The following AGBL3 variants were observed in gnomAD, a reference collection of about 807,000 sequenced individuals.
AGBL3 encodes cytosolic carboxypeptidase 3.
AGBL3 carries 68 observed loss-of-function variants against 94.5 expected under a neutral mutation model. The observed-to-expected ratio is 0.72, with a 90% CI of 0.59 to 0.88. The LOEUF is 0.88. AGBL3 is among the 40% of genes least tolerant of loss of function. The probability of loss-of-function intolerance (pLI) is 0.00; values close to 1 mark genes in which losing one functional copy is unlikely to be tolerated. For missense variants in AGBL3, 934 were observed against 1,103.8 expected (o/e 0.85, Z 2.18); for synonymous variants, 354 against 370.7 (o/e 0.95, Z 0.52).
At chr7:135,116,579 T>C (rs1048422458) in intron 16 of AGBL3, among the ~76,000 whole-genome samples, 8 of 152,146 alleles carry the variant, frequency 5.3e-5, no homozygotes, top group African/African-American at 1.2e-4. Flanking sequence ...GGCTCCCCAT[T>C]TGGTTTCCAA....
chr7:135,060,130 T>A (rs79445731), intron 12 of AGBL3, among the ~76,000 whole-genome samples: 34 of 152,340 alleles, frequency 2.2e-4, no homozygotes, highest in African/African-American at 7.9e-4. Context: ...ACACTGTTAA[T>A]AGTCTACCTC....
In AGBL3 at chr7:135,131,493, T is replaced by A. The variant is rs143492445; in HGVS notation, c.2343-3348T>A. 5.3e-4 allele frequency among the ~76,000 whole-genome samples: 81 copies of A among 152,106 alleles called. 2 individuals are homozygous for A. The East Asian group carries it at 0.014, about 26-fold the overall frequency. ...AATTCTCAAAGGAAGTAAAAATATG[T>A]ATTTAAATTAATGGAAATGAAACTA... On this transcript the variant is annotated intron_variant, in intron 16 of 16. Transcript: ENST00000436302.
intron 16 of AGBL3, among the ~76,000 whole-genome samples, chr7:135,128,291 C>CAAAAAAAAAAAAAAAAAAAA: frequency 1.7e-5 from 1 of 58,072 alleles, no homozygotes; most frequent in Non-Finnish European, 2.7e-5. Context: ...GACTCCATCT[C>CAAAAAAAAAAAAAAAAAAAA]AAAAAAAAAA....
chr7:135,130,993 T>G (rs1828679150), intron 16 of AGBL3, among the ~76,000 whole-genome samples: 2 of 152,192 alleles, frequency 1.3e-5, no homozygotes, highest in Non-Finnish European at 2.9e-5. Flanking sequence ...TCCTACTTTG[T>G]CATTGAAAAT....
chr7:135,051,136 T>C (rs1817839696), intron 11 of AGBL3: 1 of 381,632 alleles, frequency 2.6e-6, no homozygotes, highest in Non-Finnish European at 5.0e-6. Flanking sequence ...GTACTAATTT[T>C]ATAAGCTCCC....
chr7:135,018,935 C>T (rs994457081), intron 5 of AGBL3, among the ~76,000 whole-genome samples: 11 of 152,110 alleles, frequency 7.2e-5, no homozygotes, highest in African/African-American at 2.7e-4. Context: ...AACCAACACT[C>T]CTATCAAGAT....
rs1194151467 is a variant in AGBL3, at chr7:134,986,541, G to A, written c.-220G>A. On this transcript the variant is annotated 5_prime_UTR_variant, in exon 1 of 17. Coordinates refer to ENST00000436302, the MANE Select transcript of AGBL3 (RefSeq NM_178563.4). ...ATGACGAGAGTTGGGAGTGTGGCTG[G>A]GGCTGCGGATCTCCAGCAGTGGCGT... is the stretch of plus-strand genomic sequence containing the variant. 1 of 152,340 alleles carries A rather than the reference G, an allele frequency of 6.6e-6. No individual in the cohort carries two copies. The highest frequency in any genetic ancestry group is 2.4e-5 in the African/African-American group (1 of 41,470). 9.4% of individuals were successfully genotyped at this position (152,340 alleles called of 1,614,324 possible).
At position 135,128,504 on chromosome 7, in the gene AGBL3, G is replaced by C. The variant is rs573050811; in HGVS notation, c.2343-6337G>C. The C allele has an allele frequency of 1.1e-4, 86 of 758,866 alleles. 1 individual carries two copies. Among genetic ancestry groups the C allele is most frequent in the Middle Eastern group, 7.4e-4 (3 of 4,078 alleles). The allele number at this position is 758,866 out of a possible 1,614,324, so 47.0% of individuals were successfully genotyped here. On this transcript the variant is annotated intron_variant, in intron 16 of 16. Transcript: ENST00000436302. ...CTGGCCCCAGTGAGTATTTACGATG[G>C]AGATGAATTTAGAAAAGCAGTCTGT...
chr7:135,039,552 T>G (rs1462236154), intron 8 of AGBL3, among the ~76,000 whole-genome samples: 1 of 152,070 alleles, frequency 6.6e-6, no homozygotes, highest in African/African-American at 2.4e-5. Flanking sequence ...TTGGCCAACA[T>G]GGTGAAACCT....
At chr7:135,089,052 T>C (rs1821561899) in intron 15 of AGBL3, among the ~76,000 whole-genome samples, 1 of 140,748 alleles carries the variant, frequency 7.1e-6, no homozygotes, top group African/African-American at 2.6e-5. Flanking sequence ...GCAGGTTTTC[T>C]TCACTGTTTT....
chr7:135,037,352 C>A, intron 7 of AGBL3, 66 bp from the exon 8 acceptor site: 4 of 1,329,738 alleles, frequency 3.0e-6, no homozygotes, highest in African/African-American at 1.5e-5. Flanking sequence ...CTTATAAATC[C>A]ATAGTTGTAC....
chr7:135,074,908 A>T (rs1028861526), intron 12 of AGBL3, among the ~76,000 whole-genome samples: 9 of 152,186 alleles, frequency 5.9e-5, no homozygotes, highest in African/African-American at 2.2e-4. Context: ...GAGTATAGGC[A>T]TCTTTATCAA....
chr7:135,088,198 T>C (rs947557952), intron 15 of AGBL3, among the ~76,000 whole-genome samples: 3 of 152,122 alleles, frequency 2.0e-5, no homozygotes, highest in Non-Finnish European at 4.4e-5. Flanking sequence ...TCAGCCTAAA[T>C]GTGTCTTTAT....
intron 16 of AGBL3, among the ~76,000 whole-genome samples, chr7:135,118,229 C>A (rs944555486): frequency 1.3e-5 from 2 of 152,030 alleles, no homozygotes; most frequent in Admixed American, 6.6e-5. Context: ...TAGTTAATAC[C>A]TCACTATTTG....
intron 16 of AGBL3, among the ~76,000 whole-genome samples, chr7:135,123,236 C>T (rs1827392381): frequency 6.6e-6 from 1 of 152,206 alleles, no homozygotes; most frequent in Middle Eastern, 3.4e-3. Context: ...GCACAAGAAC[C>T]TTGTGAAGCA....
intron 12 of AGBL3, among the ~76,000 whole-genome samples, chr7:135,059,548 TC>T (rs929395273): frequency 2.6e-5 from 4 of 152,230 alleles, no homozygotes; most frequent in African/African-American, 9.6e-5. Context: ...CATTTATTAT[TC>T]AACTATGTAT....
intron 15 of AGBL3, among the ~76,000 whole-genome samples, chr7:135,103,911 GTAT>G (rs1359916374): frequency 6.6e-6 from 1 of 151,726 alleles, no homozygotes; most frequent in Non-Finnish European, 1.5e-5. Flanking sequence ...GTTCATCATG[GTAT>G]TATTTTATTT....
chr7:135,045,986 T>C, intron 11 of AGBL3, 75 bp downstream of exon 11: 2 of 1,027,932 alleles, frequency 1.9e-6, no homozygotes, highest in Non-Finnish European at 1.4e-6. Context: ...ACCAGCATTT[T>C]ATTGTCAGTT....
intron 15 of AGBL3, among the ~76,000 whole-genome samples, chr7:135,086,947 G>C (rs1459145926): frequency 6.6e-6 from 1 of 151,986 alleles, no homozygotes; most frequent in African/African-American, 2.4e-5. Context: ...TAAATGTTTG[G>C]TAGAATTCTA....
Sources: gnomAD v4.1 joint callset for allele counts (sites outside exome capture counted in the v4.1 genomes callset) on GRCh38, gnomAD v4.1.1 for gene constraint, MANE v1.5 for transcripts, NCBI Gene and HGNC (gene_info 2026-07-23, HGNC 2026-07-21) for gene names.